Variants in HIF3A observed in about 807,000 individuals in gnomAD.
HIF3A encodes hypoxia inducible factor 3 subunit alpha.
In HIF3A, 41 loss-of-function variants were observed where a neutral mutation model predicts 67.2. The ratio of observed to expected loss-of-function variants is 0.61; its 90% CI spans 0.48 to 0.79. The LOEUF (loss-of-function observed/expected upper bound fraction) is 0.79, where lower values mean the gene tolerates loss of function less well. HIF3A is among the 30% of genes least tolerant of loss of function. The pLI is 0.00. For synonymous variants in HIF3A, 356 were observed against 374.8 expected (o/e 0.95, Z 0.58); for missense variants, 855 against 898.0 (o/e 0.95, Z 0.61).
chr19:46,300,158 C>T (rs1233713690), intron 1 of HIF3A, among the ~76,000 whole-genome samples: 1 of 152,152 alleles, frequency 6.6e-6, no homozygotes, highest in Non-Finnish European at 1.5e-5. Context: ...TCTCTAGCTC[C>T]GTGAGTGTTC....
At chr19:46,304,132 C>T in intron 2 of HIF3A, 44 bp downstream of exon 2, 1 of 1,513,560 alleles carries the variant, frequency 6.6e-7, no homozygotes, top group Non-Finnish European at 8.9e-7. Flanking sequence ...CAGGCCCCGC[C>T]CACGGAAAAA....
At chr19:46,298,215 T>TCCCCTCC in intron 1 of HIF3A, 11 of 273,750 alleles carry the variant, frequency 4.0e-5, no homozygotes, top group Non-Finnish European at 5.1e-5. Context: ...ACCGCCCCCA[T>TCCCCTCC]CCTCTCCCCT....
Position 46,337,731 on chromosome 19 carries a change from C to A in HIF3A, c.1913-1794C>A, listed in dbSNP as rs142727354. On this transcript the variant is annotated intron_variant, in intron 14 of 14. Transcript: ENST00000377670. ...TGATCCTTCTGCCTGGCATACTTTT[C>A]CCTCTGTTCTTTGCCATGTTACCAC... Among the ~76,000 whole-genome samples the A allele has an allele frequency of 1.2e-3, 184 of 152,338 alleles. 1 individual carries two copies. Among genetic ancestry groups the A allele is most frequent in the African/African-American group, 4.3e-3 (179 of 41,580 alleles).
At chr19:46,311,999 C>G in intron 6 of HIF3A, 162 bp from the exon 7 acceptor site, 2 of 769,304 alleles carry the variant, frequency 2.6e-6, no homozygotes, top group South Asian at 1.4e-5. Flanking sequence ...TTCAACCCAC[C>G]ACACTCCTCT....
rs908034413 is a variant in HIF3A, at chr19:46,315,223, C to A, written c.1025+2570C>A. On this transcript the variant is annotated intron_variant, in intron 8 of 14. Coordinates refer to ENST00000377670, the MANE Select transcript of HIF3A (RefSeq NM_152795.4). ...CTGGGATTATAGGCGCGCACCAACA[C>A]GCCCAGCTAATTTTTATATTTTTAA... Among the ~76,000 whole-genome samples, 3 of 145,886 alleles carry A rather than the reference C, an allele frequency of 2.1e-5. 1 individual carries two copies. The highest frequency in any genetic ancestry group is 4.5e-5 in the Non-Finnish European group (3 of 66,620).
At chr19:46,306,282 G>T (rs1473390893) in intron 3 of HIF3A, among the ~76,000 whole-genome samples, 2 of 152,110 alleles carry the variant, frequency 1.3e-5, no homozygotes, top group Non-Finnish European at 2.9e-5. Context: ...GGTAGAATCA[G>T]ATTTACATTT....
chr19:46,339,707 G>C lies in HIF3A; in HGVS notation c.*85G>C, dbSNP rs1971865446. ...CGCCGGCAGCCAACGCACAGGATGGGGGCGCCAGGAGAGGGGCCCCTCTCT... is the reference window on the plus strand; with the variant it reads ...CGCCGGCAGCCAACGCACAGGATGGCGGCGCCAGGAGAGGGGCCCCTCTCT... On this transcript the variant is annotated 3_prime_UTR_variant, in exon 15 of 15. Coordinates refer to ENST00000377670, the MANE Select transcript of HIF3A (RefSeq NM_152795.4). 2 of 998,618 alleles carry C rather than the reference G, an allele frequency of 2.0e-6. No homozygotes were observed. Among genetic ancestry groups the C allele is most frequent in the Admixed American group, 5.1e-5 (2 of 39,088 alleles). The allele number at this position is 998,618 out of a possible 1,614,324, so 61.9% of individuals were successfully genotyped here.
chr19:46,336,518 C>T (rs527643445), intron 14 of HIF3A, among the ~76,000 whole-genome samples: 2 of 152,166 alleles, frequency 1.3e-5, no homozygotes, highest in African/African-American at 4.8e-5. Context: ...CAGGTGGGCA[C>T]CAGCACACTT....
chr19:46,312,552 C>T lies in HIF3A; in HGVS notation c.924C>T (p.Ala308=), dbSNP rs377724971. 3 of 1,613,624 alleles carry T rather than the reference C, an allele frequency of 1.9e-6. No individual in the cohort carries two copies. In the African/African-American group the frequency reaches 4.0e-5, roughly 22 times the overall value. Residue 308 remains alanine, a synonymous_variant, in exon 8 of 15, where the codon GCC becomes GCT. Transcript: ENST00000377670. ...TAACAGGGCAGTATCGCTTCCTGGC[C>T]CGGAGTGGTGGCTACCTGTGGACCC... The part of the protein sequence containing the change: ...QAVTGQYRFL[A]RSGGYLWTQT...
chr19:46,343,130 C>CA lies in HIF3A; in HGVS notation c.*3509dup, dbSNP rs1457593049. On this transcript the variant is annotated 3_prime_UTR_variant, in exon 15 of 15. Coordinates refer to ENST00000377670, the MANE Select transcript of HIF3A (RefSeq NM_152795.4). The stretch of plus-strand genomic sequence containing the variant: ...CCATCTATGTGCCTCCCTTACCCCC[C>CA]AGCTTTCTTTCTACAGATGGTGCTA... 9 of 152,936 alleles carry CA rather than the reference C, an allele frequency of 5.9e-5. No homozygotes were observed. Among genetic ancestry groups the CA allele is most frequent in the African/African-American group, 2.2e-4 (9 of 41,470 alleles). The allele number at this position is 152,936 out of a possible 1,614,324, so 9.5% of individuals were successfully genotyped here. A position where few individuals can be genotyped will look rare whatever the true frequency, so the allele number is the denominator to read the frequency against.
chr19:46,299,575 G>A (rs1180803155), intron 1 of HIF3A, among the ~76,000 whole-genome samples: 3 of 152,036 alleles, frequency 2.0e-5, no homozygotes, highest in African/African-American at 7.2e-5. Context: ...AGCCAGGCAT[G>A]GTGGTGAGTG....
intron 1 of HIF3A, among the ~76,000 whole-genome samples, chr19:46,301,631 G>A (rs924514381): frequency 6.6e-6 from 1 of 152,094 alleles, no homozygotes; most frequent in Admixed American, 6.5e-5. Context: ...TTCGAGAGCA[G>A]CCTGGCCAAC....
At position 46,297,940 on chromosome 19, in the gene HIF3A, G is replaced by T. The variant is rs887911464; in HGVS notation, c.26+838G>T. On this transcript the variant is annotated intron_variant, in intron 1 of 14. Coordinates refer to ENST00000377670, the MANE Select transcript of HIF3A (RefSeq NM_152795.4). The surrounding 1 kb of genome is among the most constrained non-coding windows in gnomAD (Gnocchi z 4.5). ...TGTGATGGGAACGCCCCCTGCCGCA[G>T]TACTCAGATGGGGTCATCCCGGGCA... Among the ~76,000 whole-genome samples the T allele has an allele frequency of 1.3e-5, 2 of 152,080 alleles. No homozygotes were observed. Among genetic ancestry groups the T allele is most frequent in the Non-Finnish European group, 2.9e-5 (2 of 68,004 alleles).
intron 9 of HIF3A, 22 bp from the exon 10 acceptor site, chr19:46,321,754 C>G (rs1209226739): frequency 1.9e-6 from 3 of 1,607,484 alleles, no homozygotes; most frequent in Non-Finnish European, 2.6e-6. Context: ...CCGTGTCCTC[C>G]CCATCTCCAT....
intron 6 of HIF3A, 128 bp downstream of exon 6, chr19:46,309,487 G>T: frequency 1.6e-6 from 1 of 625,140 alleles, no homozygotes; most frequent in Non-Finnish European, 2.7e-6. Context: ...CTCTCTCTTT[G>T]TGTGCCTGCC....
At chr19:46,324,692 A>G (rs1006784164) in intron 10 of HIF3A, among the ~76,000 whole-genome samples, 1 of 151,792 alleles carries the variant, frequency 6.6e-6, no homozygotes, top group Non-Finnish European at 1.5e-5. Flanking sequence ...TGTCACTACT[A>G]AAAATACAGA....
At chr19:46,300,547 G>C (rs1968234233) in intron 1 of HIF3A, among the ~76,000 whole-genome samples, 1 of 152,190 alleles carries the variant, frequency 6.6e-6, no homozygotes, top group Non-Finnish European at 1.5e-5. Context: ...TGTAATCCCA[G>C]CTACTCAGGA....
chr19:46,323,240 G>A (rs11879915), intron 10 of HIF3A, among the ~76,000 whole-genome samples: 2,991 of 151,490 alleles, frequency 0.02, 90 homozygotes, highest in African/African-American at 0.067. Flanking sequence ...TAGTAGAGAC[G>A]GGGTTTCACC....
At chr19:46,324,985 T>TTG (rs542186240) in intron 10 of HIF3A, among the ~76,000 whole-genome samples, 13,159 of 127,738 alleles carry the variant, frequency 0.1, 762 homozygotes, top group East Asian at 0.23. Context: ...CACACATATA[T>TTG]TGTGTGTGTG....
Sources: gnomAD v4.1 joint callset for allele counts (sites outside exome capture counted in the v4.1 genomes callset) on GRCh38, gnomAD v4.1.1 for gene constraint, Gnocchi (gnomAD v3.1) non-coding constraint, MANE v1.5 for transcripts, NCBI Gene and HGNC (gene_info 2026-07-23, HGNC 2026-07-21) for gene names.